Variants in C9orf85 observed in about 807,000 individuals in gnomAD.
C9orf85 encodes chromosome 9 open reading frame 85, also known as uncharacterized protein C9orf85.
In C9orf85, 16 loss-of-function variants were observed where a neutral mutation model predicts 14.9. The observed-to-expected ratio is 1.08, with a 90% confidence interval of 0.73 to 1.63. The LOEUF (loss-of-function observed/expected upper bound fraction) is 1.63. Ranked by LOEUF, C9orf85 falls within the 40% of genes most tolerant of loss-of-function variation. The probability of loss-of-function intolerance (pLI) is 0.00; values close to 1 mark genes in which losing one functional copy is unlikely to be tolerated. For synonymous variants in C9orf85, 45 were observed against 56.8 expected (o/e 0.79, Z 0.93); for missense variants, 172 against 186.1 (o/e 0.92, Z 0.44).
intron 2 of C9orf85, among the ~76,000 whole-genome samples, chr9:71,966,314 A>AT (rs1822689312): frequency 6.6e-6 from 1 of 151,576 alleles, no homozygotes; most frequent in Admixed American, 6.6e-5. Context: ...ATTCAGCTGA[A>AT]TTTTTTCTTT....
chr9:71,937,141 A>G (rs1809979571), intron 1 of C9orf85, among the ~76,000 whole-genome samples: 1 of 152,234 alleles, frequency 6.6e-6, no homozygotes, highest in Non-Finnish European at 1.5e-5. Flanking sequence ...GTTAAAATAC[A>G]ATGCCAACCT....
chr9:71,918,426 CT>C (rs1564081524), intron 1 of C9orf85: 1 of 1,303,024 alleles, frequency 7.7e-7, no homozygotes, highest in Admixed American at 2.3e-5. Flanking sequence ...TTTTGTAAGT[CT>C]TTATCTGCAA....
intron 1 of C9orf85, among the ~76,000 whole-genome samples, chr9:71,945,128 A>T (rs989908253): frequency 2.6e-5 from 4 of 152,220 alleles, no homozygotes; most frequent in African/African-American, 9.6e-5. Flanking sequence ...GAATGTTCCA[A>T]TTAGGAAGTT....
At chr9:71,984,893 C>T (rs965025938), downstream of C9orf85, 1 of 152,406 alleles carries the variant, frequency 6.6e-6, no homozygotes, top group Non-Finnish European at 1.5e-5. Flanking sequence ...CTTGCCACCA[C>T]ATGGGCCAGG....
intron 1 of C9orf85, among the ~76,000 whole-genome samples, chr9:71,923,502 A>C (rs1262299699): frequency 6.6e-6 from 1 of 152,098 alleles, no homozygotes; most frequent in Non-Finnish European, 1.5e-5. Context: ...TCCTGACCTT[A>C]TGTGATCTGC....
At chr9:71,919,655 A>G (rs1191036042) in intron 1 of C9orf85, among the ~76,000 whole-genome samples, 1 of 152,158 alleles carries the variant, frequency 6.6e-6, no homozygotes, top group African/African-American at 2.4e-5. Context: ...TATACCTAAT[A>G]GTGCTAGTGA....
chr9:71,949,136 A>T (rs959735459), intron 2 of C9orf85, among the ~76,000 whole-genome samples: 6 of 152,232 alleles, frequency 3.9e-5, no homozygotes, highest in African/African-American at 1.4e-4. Context: ...AGGTATTTTA[A>T]GATTTCATGA....
intron 2 of C9orf85, among the ~76,000 whole-genome samples, chr9:71,964,913 G>A (rs776922826): frequency 1.3e-5 from 2 of 152,176 alleles, no homozygotes; most frequent in Non-Finnish European, 2.9e-5. Context: ...GCACTTAGCC[G>A]TGCAGGAACA....
At chr9:71,985,192 G>T (rs1265216198), downstream of C9orf85, 1 of 152,180 alleles carries the variant, frequency 6.6e-6, no homozygotes, top group Non-Finnish European at 1.5e-5. Flanking sequence ...TATTGCGGGG[G>T]AGTGATCTCT....
At chr9:71,918,500 C>G (rs373558784) in intron 1 of C9orf85, 2 of 1,245,926 alleles carry the variant, frequency 1.6e-6, no homozygotes, top group South Asian at 1.3e-5. Flanking sequence ...CCCCGACCCC[C>G]GCATCGGTCC....
intron 1 of C9orf85, among the ~76,000 whole-genome samples, chr9:71,914,794 G>A (rs766554347): frequency 3.3e-5 from 5 of 152,174 alleles, no homozygotes; most frequent in Admixed American, 1.3e-4. Flanking sequence ...AGGGGCTTGC[G>A]CCGGGATTTG....
downstream of C9orf85, chr9:71,984,379 C>T (rs1285827819): frequency 6.6e-6 from 1 of 152,160 alleles, no homozygotes; most frequent in East Asian, 1.9e-4. Flanking sequence ...TTCTCTGTTC[C>T]CATTGGTAGA....
intron 3 of C9orf85, among the ~76,000 whole-genome samples, chr9:71,981,094 A>G (rs987104022): frequency 1.3e-5 from 2 of 152,232 alleles, no homozygotes; most frequent in Non-Finnish European, 1.5e-5. Context: ...AGCAAGCCAC[A>G]GTGAGGGGCC....
intron 1 of C9orf85, among the ~76,000 whole-genome samples, chr9:71,944,874 A>G (rs561710001): frequency 6.6e-6 from 1 of 152,308 alleles, no homozygotes; most frequent in African/African-American, 2.4e-5. Flanking sequence ...CCTGTACAAC[A>G]TATCTATTTA....
intron 2 of C9orf85, among the ~76,000 whole-genome samples, chr9:71,965,156 AG>A (rs1292106950): frequency 6.6e-6 from 1 of 152,210 alleles, no homozygotes; most frequent in African/African-American, 2.4e-5. Context: ...ATACAAAGGT[AG>A]GGGACCCAAA....
At chr9:71,957,437 G>A (rs759602206) in intron 2 of C9orf85, among the ~76,000 whole-genome samples, 1 of 152,120 alleles carries the variant, frequency 6.6e-6, no homozygotes, top group African/African-American at 2.4e-5. Flanking sequence ...ATTACTCAGT[G>A]AAAAACTGAT....
At chr9:71,971,663 TACATGA>T in intron 3 of C9orf85, 45 bp downstream of exon 3, 1 of 1,291,298 alleles carries the variant, frequency 7.7e-7, no homozygotes, top group African/African-American at 1.5e-5. Context: ...TAGTGATTGA[TACATGA>T]ATTTCTTTTA....
At chr9:71,955,874 C>T (rs1413683444) in intron 2 of C9orf85, among the ~76,000 whole-genome samples, 2 of 152,132 alleles carry the variant, frequency 1.3e-5, no homozygotes, top group Non-Finnish European at 2.9e-5. Flanking sequence ...GATCTCCATG[C>T]AATCTGAATT....
At chr9:71,965,946 T>A (rs1822678995) in intron 2 of C9orf85, among the ~76,000 whole-genome samples, 2 of 152,238 alleles carry the variant, frequency 1.3e-5, no homozygotes, top group South Asian at 4.2e-4. Flanking sequence ...TATATTTGAG[T>A]CCTTGTGGAT....
Sources: gnomAD v4.1 joint callset for allele counts (sites outside exome capture counted in the v4.1 genomes callset) on GRCh38, gnomAD v4.1.1 for gene constraint, MANE v1.5 for transcripts, NCBI Gene and HGNC (gene_info 2026-07-23, HGNC 2026-07-21) for gene names.